Variants in EIF2AK2 observed in about 807,000 individuals in gnomAD.
EIF2AK2 encodes eukaryotic translation initiation factor 2 alpha kinase 2.
Under a neutral mutation model 70.5 loss-of-function variants are expected in EIF2AK2, and 40 were observed. That is an observed-to-expected ratio of 0.57 (90% CI 0.44 to 0.74). EIF2AK2 has a LOEUF of 0.74. EIF2AK2 is among the 30% of genes least tolerant of loss of function. EIF2AK2 has a pLI of 0.00. For missense variants in EIF2AK2, 555 were observed against 644.3 expected, an observed-to-expected ratio of 0.86 and a Z score of 1.50; for synonymous variants, 198 against 220.9, an observed-to-expected ratio of 0.90 and a Z score of 0.92.
intron 4 of EIF2AK2, among the ~76,000 whole-genome samples, chr2:37,145,768 T>C (rs1296943977): frequency 1.8e-5 from 2 of 111,842 alleles, no homozygotes; most frequent in Non-Finnish European, 3.8e-5. Context: ...TTTTTTTTTT[T>C]TTTTTTTTTT....
Position 37,149,205 on chromosome 2 carries a change from C to A in EIF2AK2, c.-183-182G>T, listed in dbSNP as rs1271253565. 3 of 1,126,038 alleles carry A rather than the reference C, an allele frequency of 2.7e-6. No individual in the cohort carries two copies. The East Asian group carries it at 7.1e-5, about 26-fold the overall frequency. The allele number at this position is 1,126,038 out of a possible 1,614,324, so 69.8% of individuals were successfully genotyped here. ...TATGCTTGTCGTGCCTGTGGTTCTA[C>A]CAAGTGTGGAGCTGAATGCCACTGT... is the stretch of plus-strand genomic sequence containing the variant. On this transcript the variant is annotated intron_variant, in intron 1 of 16. Coordinates refer to ENST00000233057, the MANE Select transcript of EIF2AK2 (RefSeq NM_001135651.3).
chr2:37,116,333 C>T (rs2148671319), intron 13 of EIF2AK2, among the ~76,000 whole-genome samples: 1 of 152,332 alleles, frequency 6.6e-6, no homozygotes, highest in Middle Eastern at 3.4e-3. Flanking sequence ...GATCCTCCCA[C>T]CTCAGCCTCC....
intron 11 of EIF2AK2, among the ~76,000 whole-genome samples, chr2:37,125,624 C>T (rs1217447883): frequency 2.6e-5 from 4 of 152,170 alleles, no homozygotes; most frequent in South Asian, 2.1e-4. Flanking sequence ...AGCCCACAGC[C>T]GGTGTCAACT....
At chr2:37,116,792 T>A (rs1674356693) in intron 13 of EIF2AK2, among the ~76,000 whole-genome samples, 1 of 152,228 alleles carries the variant, frequency 6.6e-6, no homozygotes, top group Non-Finnish European at 1.5e-5. Flanking sequence ...GTGAAACTGC[T>A]AGTCCCACAT....
At chr2:37,121,451 T>C (rs931984903) in intron 12 of EIF2AK2, among the ~76,000 whole-genome samples, 4 of 151,940 alleles carry the variant, frequency 2.6e-5, no homozygotes, top group African/African-American at 4.8e-5. Context: ...CTACTAAGCA[T>C]GAAAGGCACC....
intron 13 of EIF2AK2, among the ~76,000 whole-genome samples, chr2:37,116,703 G>C (rs1674353984): frequency 6.6e-6 from 1 of 152,228 alleles, no homozygotes; most frequent in African/African-American, 2.4e-5. Context: ...GCTGTAGACA[G>C]ATGTGGAGTG....
At chr2:37,130,150 G>A (rs539680366) in intron 10 of EIF2AK2, among the ~76,000 whole-genome samples, 1 of 152,164 alleles carries the variant, frequency 6.6e-6, no homozygotes, top group East Asian at 1.9e-4. Flanking sequence ...CACCCAGGCT[G>A]GAGCTCAATG....
intron 11 of EIF2AK2, among the ~76,000 whole-genome samples, chr2:37,125,845 T>C (rs144256052): frequency 6.6e-6 from 1 of 152,324 alleles, no homozygotes; most frequent in Non-Finnish European, 1.5e-5. Flanking sequence ...AGAGAACAAT[T>C]ACCATCTAGC....
chr2:37,102,794 C>T lies in EIF2AK2; in HGVS notation c.*4479G>A, dbSNP rs1167609928. The T allele has an allele frequency of 2.0e-5, 3 of 152,046 alleles. No individual in the cohort carries two copies. The highest frequency in any genetic ancestry group is 7.2e-5 in the African/African-American group (3 of 41,398). The allele number at this position is 152,046 out of a possible 1,614,324, so 9.4% of individuals were successfully genotyped here. On this transcript the variant is annotated 3_prime_UTR_variant, in exon 17 of 17. Transcript: ENST00000233057. ...GCCATACACACACATGCACACATAC[C>T]ACATACCCACATGTATATATGCATA...
chr2:37,148,210 A>T, intron 2 of EIF2AK2, among the ~76,000 whole-genome samples: 1 of 152,184 alleles, frequency 6.6e-6, no homozygotes, highest in East Asian at 1.9e-4. Context: ...GGTCAGTGAA[A>T]GGGGGTCCTT....
chr2:37,104,640 A>T lies in EIF2AK2; in HGVS notation c.*2633T>A, dbSNP rs1278298104. 2 of 152,118 alleles carry T rather than the reference A, an allele frequency of 1.3e-5. No homozygotes were observed. The highest frequency in any genetic ancestry group is 4.8e-5 in the African/African-American group (2 of 41,428). The allele number at this position is 152,118 out of a possible 1,614,324, so 9.4% of individuals were successfully genotyped here. On this transcript the variant is annotated 3_prime_UTR_variant, in exon 17 of 17. Transcript: ENST00000233057. The stretch of plus-strand genomic sequence containing the variant: ...CCAGCTTTTGTCTTTTTAAATATCC[A>T]GAATACAATAAAGATTCAAACATTG...
At chr2:37,151,324 G>T (rs79750269) in intron 1 of EIF2AK2, among the ~76,000 whole-genome samples, 4,855 of 151,898 alleles carry the variant, frequency 0.032, 118 homozygotes, top group South Asian at 0.065. Flanking sequence ...TATGTAAATC[G>T]CCAATAAGCA....
rs776281435 is a variant in EIF2AK2, at chr2:37,114,834, G to T, written c.1274C>A (p.Thr425Lys). Reference sequence around the variant, plus strand: ...AAAGTCTCCAATCTTTACTTGTTTTGTATCTACTAAGAATATATTACTTGG... The same window carrying T: ...AAAGTCTCCAATCTTTACTTGTTTTTTATCTACTAAGAATATATTACTTGG... The part of the protein sequence containing the change: ...LKPSNIFLVD[T>K]KQVKIGDFGL... Residue 425 changes from threonine (T) to lysine (K), a missense_variant, in exon 14 of 17, where the codon ACA becomes AAA. This residue lies in a region of EIF2AK2 where 299 missense variants were observed against 375.4 expected (regional missense o/e 0.80). Transcript: ENST00000233057. 2 of 1,584,298 alleles carry T rather than the reference G, an allele frequency of 1.3e-6. No individual in the cohort carries two copies. The highest frequency in any genetic ancestry group is 1.8e-5 in the Admixed American group (1 of 55,186).
intron 9 of EIF2AK2, 66 bp from the exon 10 acceptor site, chr2:37,135,612 T>C: frequency 7.0e-7 from 1 of 1,421,520 alleles, no homozygotes; most frequent in African/African-American, 1.4e-5. Flanking sequence ...TATTTAGTGT[T>C]AATGTTAACC....
chr2:37,102,359 T>C lies in EIF2AK2; in HGVS notation c.*4914A>G, dbSNP rs1194268882. On this transcript the variant is annotated 3_prime_UTR_variant, in exon 17 of 17. Coordinates refer to ENST00000233057, the MANE Select transcript of EIF2AK2 (RefSeq NM_001135651.3). ...TTGCAGCTGGGTGATGGGTAGAGTT[T>C]CATTATTCTATTTTTGTGTATGTTT... The C allele has an allele frequency of 6.6e-6, 1 of 152,188 alleles. No homozygotes were observed. The allele number at this position is 152,188 out of a possible 1,614,324, so 9.4% of individuals were successfully genotyped here.
chr2:37,104,764 C>T lies in EIF2AK2; in HGVS notation c.*2509G>A, dbSNP rs1393922325. 2 of 151,122 alleles carry T rather than the reference C, an allele frequency of 1.3e-5. No homozygotes were observed. The highest frequency in any genetic ancestry group is 2.9e-5 in the Non-Finnish European group (2 of 67,942). The allele number at this position is 151,122 out of a possible 1,614,324, so 9.4% of individuals were successfully genotyped here. ...AGTCAATCATCTTATAGAATGACTA[C>T]ATTCAGGATTTGTCTAATAATTTCC... is the stretch of plus-strand genomic sequence containing the variant. On this transcript the variant is annotated 3_prime_UTR_variant, in exon 17 of 17. Coordinates refer to ENST00000233057, the MANE Select transcript of EIF2AK2 (RefSeq NM_001135651.3).
At chr2:37,140,854 A>G (rs1359580209) in intron 5 of EIF2AK2, among the ~76,000 whole-genome samples, 1 of 151,900 alleles carries the variant, frequency 6.6e-6, no homozygotes, top group Non-Finnish European at 1.5e-5. Flanking sequence ...GATTTAAACT[A>G]TTTGCCATGT....
chr2:37,138,600 A>G lies in EIF2AK2; in HGVS notation c.517-15T>C. 6.2e-7 allele frequency: 1 copy of G among 1,612,708 alleles called. No individual in the cohort carries two copies. The highest frequency in any genetic ancestry group is 8.5e-7 in the Non-Finnish European group (1 of 1,178,802). On this transcript the variant is annotated splice_polypyrimidine_tract_variant and intron_variant, in intron 6 of 16. Transcript: ENST00000233057. ...TAGTCAGATTTCTGAAAGAAAAAGT[A>G]TCCCTTAGTAGGCTTAAATACAACT...
Position 37,107,359 on chromosome 2 carries a change from C to A in EIF2AK2, c.1570G>T (p.Glu524Ter), listed in dbSNP as rs1371873326. Residue 524 changes from glutamate to a stop codon, truncating the protein, a stop_gained, in exon 17 of 17, where the codon GAG (glutamate) becomes TAG (stop). Transcript: ENST00000233057. LOFTEE classifies it low-confidence loss of function (END_TRUNC). Reference protein sequence around the residue: ...LLQKLLSKKPEDRPNTSEILR... With the variant: ...LLQKLLSKKP ...ATTTCAGATGTGTTAGGTCGATCCTCAGGTTTCTTTGAGAGTAATTTCTGT... is the reference window on the plus strand; with the variant it reads ...ATTTCAGATGTGTTAGGTCGATCCTAAGGTTTCTTTGAGAGTAATTTCTGT... 2 of 1,613,952 alleles carry A rather than the reference C, an allele frequency of 1.2e-6. No homozygotes were observed.
Sources: gnomAD v4.1 joint callset for allele counts (sites outside exome capture counted in the v4.1 genomes callset) on GRCh38, gnomAD v4.1.1 for gene constraint, gnomAD v4.1.1 regional missense constraint, MANE v1.5 for transcripts, NCBI Gene and HGNC (gene_info 2026-07-23, HGNC 2026-07-21) for gene names.